C8orf74: variants seen among roughly 807,000 people sequenced by gnomAD.
C8orf74 encodes the protein uncharacterized protein C8orf74.
In C8orf74, 29 loss-of-function variants were observed where a neutral mutation model predicts 22.2. That is an observed-to-expected ratio of 1.31 (90% CI 0.97 to 1.78). C8orf74 has a LOEUF of 1.78. Ranked by LOEUF, C8orf74 falls within the 40% of genes most tolerant of loss-of-function variation. C8orf74 has a pLI of 0.00. For missense variants in C8orf74, 515 were observed against 369.9 expected, an observed-to-expected ratio of 1.39 and a Z score of -3.22; for synonymous variants, 255 against 163.1, an observed-to-expected ratio of 1.56 and a Z score of -4.30.
intron 2 of C8orf74, among the ~76,000 whole-genome samples, 196 bp downstream of exon 2, chr8:10,675,034 T>C (rs1384568472): frequency 6.6e-6 from 1 of 152,238 alleles, no homozygotes; most frequent in Non-Finnish European, 1.5e-5. Context: ...TCACTGAGTC[T>C]TCATTGGTCT....
rs139240307 is a variant in C8orf74, at chr8:10,690,743, C to G, written c.242-6856C>G. ...TGAGGGCCCAAGGAAGCCACCGGAG[C>G]CCCCTGGTCCGAGCCGTTTCTGCCC... is the stretch of plus-strand genomic sequence containing the variant. On this transcript the variant is annotated intron_variant, in intron 2 of 3. Transcript: ENST00000304519. 1.8e-4 allele frequency: 71 copies of G among 384,452 alleles called. 1 individual carries two copies. In the East Asian group the frequency reaches 4.8e-3, roughly 26 times the overall value. The allele number at this position is 384,452 out of a possible 1,614,324, so 23.8% of individuals were successfully genotyped here.
At chr8:10,684,286 C>G (rs1452861643) in intron 2 of C8orf74, among the ~76,000 whole-genome samples, 1 of 152,226 alleles carries the variant, frequency 6.6e-6, no homozygotes, top group Non-Finnish European at 1.5e-5. Flanking sequence ...GCTGCAGAGC[C>G]TGTCCCTTCT....
chr8:10,693,833 GC>G (rs891906389), intron 2 of C8orf74, among the ~76,000 whole-genome samples: 1 of 152,194 alleles, frequency 6.6e-6, no homozygotes. Flanking sequence ...TCTGTGCACT[GC>G]CCAGAAGACA....
intron 2 of C8orf74, chr8:10,689,133 G>C (rs1164060103): frequency 6.6e-6 from 1 of 152,190 alleles, no homozygotes; most frequent in East Asian, 1.9e-4. Flanking sequence ...AAAAGAAATA[G>C]ACACCAATCC....
chr8:10,680,922 G>A (rs969260070), intron 2 of C8orf74, among the ~76,000 whole-genome samples: 4 of 152,084 alleles, frequency 2.6e-5, no homozygotes, highest in Admixed American at 6.6e-5. Context: ...GCAGGAGCGG[G>A]GGTCCTCTGT....
intron 2 of C8orf74, chr8:10,687,008 G>A: frequency 2.3e-6 from 1 of 438,206 alleles, no homozygotes; most frequent in Non-Finnish European, 4.6e-6. Flanking sequence ...CCGCCAAGAA[G>A]GGATTAGATT....
chr8:10,688,726 C>T (rs144832073), intron 2 of C8orf74: 9 of 152,528 alleles, frequency 5.9e-5, no homozygotes, highest in Non-Finnish European at 1.2e-4. Context: ...AGGGATGCAG[C>T]TGCTCCTCTT....
Position 10,697,956 on chromosome 8 carries a change from C to T in C8orf74, c.599C>T (p.Ala200Val). 1.9e-6 allele frequency: 3 copies of T among 1,546,330 alleles called. No individual in the cohort carries two copies. The highest frequency in any genetic ancestry group is 1.2e-5 in the South Asian group (1 of 83,416). The change falls in exon 3 of 4, where the codon GCG becomes GTG. Residue 200 changes from alanine to valine, a missense_variant. Ala to Val is a moderately conservative substitution (Grantham distance 64). Transcript: ENST00000304519. ...GAGCGGGAGAACTCGCTGCAGAAGG[C>T]GTTCGCTGCCGCCGCGCCTGCGCAG... ...RLERENSLQK[A>V]FAAAAPAQPG...
At chr8:10,691,389 G>C (rs1382374258) in intron 2 of C8orf74, 2 of 165,750 alleles carry the variant, frequency 1.2e-5, no homozygotes, top group African/African-American at 4.7e-5. Flanking sequence ...GGGCTGAACA[G>C]AAGGGCTCAG....
Position 10,674,851 on chromosome 8 carries a change from C to A in C8orf74, c.241+13C>A. 13 of 1,578,072 alleles carry A rather than the reference C, an allele frequency of 8.2e-6. No homozygotes were observed. The highest frequency in any genetic ancestry group is 1.2e-5 in the South Asian group (1 of 85,748). On this transcript the variant is annotated intron_variant, in intron 2 of 3. Coordinates refer to ENST00000304519, the MANE Select transcript of C8orf74 (RefSeq NM_001040032.2). ...AGGGAAACCAAAGGTATGGTGTGTCCAGGGCAGGAGTCAGCAGAGGCTGGC... is the reference window on the plus strand; with the variant it reads ...AGGGAAACCAAAGGTATGGTGTGTCAAGGGCAGGAGTCAGCAGAGGCTGGC...
chr8:10,699,487 C>T (rs747534321), intron 3 of C8orf74, among the ~76,000 whole-genome samples: 1 of 152,262 alleles, frequency 6.6e-6, no homozygotes, highest in Non-Finnish European at 1.5e-5. Flanking sequence ...CAACCAGTTG[C>T]TTCCAGTGTG....
intron 2 of C8orf74, among the ~76,000 whole-genome samples, chr8:10,695,864 T>C (rs1054233748): frequency 2.6e-5 from 4 of 152,084 alleles, no homozygotes; most frequent in African/African-American, 7.2e-5. Flanking sequence ...CATGTTACTT[T>C]CATTGTCGGC....
intron 2 of C8orf74, chr8:10,687,392 G>A (rs1481390078): frequency 2.0e-5 from 5 of 255,870 alleles, no homozygotes; most frequent in Admixed American, 1.5e-4. Context: ...GCTAACACAT[G>A]TAATCCCGGC....
chr8:10,678,494 C>T (rs563475682), intron 2 of C8orf74, among the ~76,000 whole-genome samples: 1 of 152,008 alleles, frequency 6.6e-6, no homozygotes, highest in East Asian at 1.9e-4. Flanking sequence ...GCCCAGTAGA[C>T]ACGTGCCAGG....
chr8:10,675,009 C>G (rs183393176), intron 2 of C8orf74, among the ~76,000 whole-genome samples, 171 bp downstream of exon 2: 1 of 152,344 alleles, frequency 6.6e-6, no homozygotes, highest in African/African-American at 2.4e-5. Flanking sequence ...CTCTACTCAG[C>G]CTTCCCAAAC....
chr8:10,696,958 G>GAA (rs60560452), intron 2 of C8orf74, among the ~76,000 whole-genome samples: 2,367 of 104,330 alleles, frequency 0.023, 133 homozygotes, highest in African/African-American at 0.074. Context: ...CCAGGAGTTC[G>GAA]AAAAAAAAAA....
Position 10,700,288 on chromosome 8 carries a change from G to A in C8orf74, c.702G>A (p.Gln234=), listed in dbSNP as rs932183433. ...TCCACACCCAGATGGAGCTCCTGCA[G>A]GAGCTGCTGCAGCGCCAGATCCAGA... is the stretch of plus-strand genomic sequence containing the variant. ...QAVHTQMELL[Q]ELLQRQIQNT... is the part of the protein sequence containing the mutation. Residue 234 remains glutamine (Q), a synonymous_variant, in exon 4 of 4, where the codon CAG becomes CAA. Transcript: ENST00000304519. The A allele has an allele frequency of 1.2e-6, 2 of 1,613,558 alleles. No homozygotes were observed. The highest frequency in any genetic ancestry group is 1.7e-6 in the Non-Finnish European group (2 of 1,179,576).
chr8:10,683,846 A>C (rs1195915896), intron 2 of C8orf74, among the ~76,000 whole-genome samples: 1 of 152,096 alleles, frequency 6.6e-6, no homozygotes, highest in Non-Finnish European at 1.5e-5. Flanking sequence ...GAGAAGACCT[A>C]CTCTGCCAGT....
intron 2 of C8orf74, among the ~76,000 whole-genome samples, chr8:10,687,814 C>T (rs1333999882): frequency 6.6e-6 from 1 of 152,090 alleles, no homozygotes; most frequent in Non-Finnish European, 1.5e-5. Flanking sequence ...ATAGCATACA[C>T]AGAGAAAAAT....
Sources: allele counts gnomAD v4.1 joint callset (sites outside exome capture counted in the v4.1 genomes callset), GRCh38; gene constraint gnomAD v4.1.1; transcripts MANE v1.5; gene names NCBI Gene and HGNC (gene_info 2026-07-23, HGNC 2026-07-21).